Variants in EYS observed in about 807,000 individuals in gnomAD.
EYS encodes protein eyes shut homolog.
Under a neutral mutation model 282.1 loss-of-function variants are expected in EYS, and 250 were observed. The ratio of observed to expected loss-of-function variants is 0.89; its 90% CI spans 0.80 to 0.98. EYS has a LOEUF of 0.98. Among genes scored for constraint, EYS ranks in the 50% least tolerant of loss-of-function variants. The probability of loss-of-function intolerance (pLI) is 0.00; values close to 1 mark genes in which losing one functional copy is unlikely to be tolerated. For synonymous variants in EYS, 1,355 were observed against 1,282.9 expected, an observed-to-expected ratio of 1.06 and a Z score of -1.20; for missense variants, 4,016 against 3,709.0, an observed-to-expected ratio of 1.08 and a Z score of -2.15.
chr6:65,375,597 A>G (rs1314749214), intron 8 of EYS, among the ~76,000 whole-genome samples: 3 of 151,962 alleles, frequency 2.0e-5, no homozygotes, highest in East Asian at 3.9e-4. Flanking sequence ...CCTCTGAGCT[A>G]AAGGAAGCAA....
At chr6:64,927,042 C>G (rs2150084903) in intron 15 of EYS, among the ~76,000 whole-genome samples, 1 of 152,170 alleles carries the variant, frequency 6.6e-6, no homozygotes, top group African/African-American at 2.4e-5. Flanking sequence ...CATGATGGAC[C>G]ATGTCTTGAT....
At chr6:64,564,348 G>A (rs2149813697) in intron 26 of EYS, among the ~76,000 whole-genome samples, 1 of 125,300 alleles carries the variant, frequency 8.0e-6, no homozygotes, top group South Asian at 2.7e-4. Context: ...GTGGATCTCG[G>A]CTCACTGCAA....
intron 30 of EYS, among the ~76,000 whole-genome samples, chr6:64,272,671 A>G (rs968051871): frequency 6.6e-6 from 1 of 152,010 alleles, no homozygotes; most frequent in Non-Finnish European, 1.5e-5. Flanking sequence ...TCCTTTAGGG[A>G]TTTTGACTGG....
intron 8 of EYS, among the ~76,000 whole-genome samples, chr6:65,366,120 A>G (rs553874192): frequency 6.6e-6 from 1 of 151,826 alleles, no homozygotes; most frequent in South Asian, 2.1e-4. Context: ...AATGTGTCCT[A>G]GTATGAATGA....
intron 7 of EYS, among the ~76,000 whole-genome samples, chr6:65,393,898 A>G (rs994166793): frequency 2.6e-5 from 4 of 152,190 alleles, no homozygotes; most frequent in Non-Finnish European, 4.4e-5. Context: ...TCGTTGAAAT[A>G]TCTCAGAATT....
intron 2 of EYS, among the ~76,000 whole-genome samples, chr6:65,545,581 T>C (rs2127325677): frequency 6.6e-6 from 1 of 152,306 alleles, no homozygotes; most frequent in African/African-American, 2.4e-5. Flanking sequence ...AGAGACAGAA[T>C]TACAACTTGC....
chr6:65,543,909 A>G (rs765414649), intron 2 of EYS, among the ~76,000 whole-genome samples: 1 of 152,128 alleles, frequency 6.6e-6, no homozygotes, highest in African/African-American at 2.4e-5. Flanking sequence ...ATGAGGGAGC[A>G]TAGTAGAGAT....
At chr6:64,176,527 T>TG (rs1562239244) in intron 31 of EYS, among the ~76,000 whole-genome samples, 156 of 150,274 alleles carry the variant, frequency 1.0e-3, no homozygotes, top group African/African-American at 3.6e-3. Flanking sequence ...GTGTGTGTGT[T>TG]TGTGTATGTA....
intron 34 of EYS, among the ~76,000 whole-genome samples, chr6:63,987,971 T>A (rs1254522332): frequency 1.3e-5 from 2 of 151,664 alleles, no homozygotes; most frequent in Non-Finnish European, 3.0e-5. Context: ...TTGTTCTTTT[T>A]AAAAGACTGA....
intron 36 of EYS, among the ~76,000 whole-genome samples, chr6:63,848,474 A>G (rs550261029): frequency 6.6e-6 from 1 of 151,828 alleles, no homozygotes; most frequent in Non-Finnish European, 1.5e-5. Flanking sequence ...TGCACTTCCA[A>G]CTGAGGTACC....
chr6:65,317,885 T>TCTTTCTTTCTTTCTTC (rs1769354763), intron 11 of EYS, among the ~76,000 whole-genome samples: 1 of 73,386 alleles, frequency 1.4e-5, no homozygotes, highest in Non-Finnish European at 2.7e-5. Flanking sequence ...TTTCTTTCTT[T>TCTTTCTTTCTTTCTTC]CAGACAGAGT....
At chr6:65,260,628 A>T (rs933159190) in intron 12 of EYS, among the ~76,000 whole-genome samples, 2 of 152,048 alleles carry the variant, frequency 1.3e-5, no homozygotes, top group African/African-American at 4.8e-5. Context: ...TATTTTGCCT[A>T]TTCAATATAT....
chr6:65,392,138 A>C lies in EYS; in HGVS notation c.1185-7638T>G, dbSNP rs564836863. ...GCCATATGGAGAAAGCTGAAACTGG[A>C]TCCCTTCCTTACACCTTATACAAAA... On this transcript the variant is annotated intron_variant, in intron 7 of 42. Coordinates refer to ENST00000503581, the MANE Select transcript of EYS (RefSeq NM_001142800.2). 4.0e-3 allele frequency among the ~76,000 whole-genome samples: 612 copies of C among 152,202 alleles called. 5 individuals are homozygous for C. The highest frequency in any genetic ancestry group is 0.014 in the African/African-American group (577 of 41,520).
chr6:65,402,694 T>C (rs1352255171), intron 6 of EYS, 89 bp from the exon 7 acceptor site: 2 of 865,682 alleles, frequency 2.3e-6, no homozygotes, highest in African/African-American at 3.4e-5. Context: ...GGGTTAAAAT[T>C]ATTTTCATGA....
chr6:64,934,259 G>T (rs1430991989), intron 15 of EYS, among the ~76,000 whole-genome samples: 1 of 151,656 alleles, frequency 6.6e-6, no homozygotes, highest in Non-Finnish European at 1.5e-5. Flanking sequence ...TGTGTCTGAG[G>T]ATCATCAGAA....
At chr6:64,363,206 A>G (rs1379088998) in intron 29 of EYS, among the ~76,000 whole-genome samples, 1 of 151,848 alleles carries the variant, frequency 6.6e-6, no homozygotes, top group Non-Finnish European at 1.5e-5. Flanking sequence ...GTGGTTTTCA[A>G]TGTCGATTTA....
chr6:63,844,007 G>C (rs1217745389), intron 36 of EYS, among the ~76,000 whole-genome samples: 2 of 152,010 alleles, frequency 1.3e-5, no homozygotes, highest in Non-Finnish European at 2.9e-5. Context: ...CTTTCCCTCA[G>C]CCCACACACC....
At position 64,456,829 on chromosome 6, in the gene EYS, C is replaced by T. The variant is rs149664278; in HGVS notation, c.5645-17477G>A. On this transcript the variant is annotated intron_variant, in intron 26 of 42. Transcript: ENST00000503581. Reference sequence around the variant, plus strand: ...TTCCCATTATTAAAAAAACAGCTCACATTTTTAACTGTTTAATTGTTAAGG... The same window carrying T: ...TTCCCATTATTAAAAAAACAGCTCATATTTTTAACTGTTTAATTGTTAAGG... 7.3e-3 allele frequency among the ~76,000 whole-genome samples: 1,113 copies of T among 152,066 alleles called. 8 individuals carry two copies. Among genetic ancestry groups the T allele is most frequent in the African/African-American group, 0.026 (1,068 of 41,528 alleles).
At chr6:64,856,129 G>T (rs9354168) in intron 19 of EYS, among the ~76,000 whole-genome samples, 23,109 of 151,938 alleles carry the variant, frequency 0.15, 1,991 homozygotes, top group East Asian at 0.43. Flanking sequence ...AAATACTAGA[G>T]AACATTATTG....
Sources: allele counts gnomAD v4.1 joint callset (sites outside exome capture counted in the v4.1 genomes callset), GRCh38; gene constraint gnomAD v4.1.1; transcripts MANE v1.5; gene names NCBI Gene and HGNC (gene_info 2026-07-23, HGNC 2026-07-21).